SLIT3: variants seen among roughly 807,000 people sequenced by gnomAD.
SLIT3 encodes the protein slit guidance ligand 3.
A neutral mutation model predicts 184.0 loss-of-function variants in SLIT3; 68 were observed. The observed-to-expected ratio is 0.37, with a 90% CI of 0.30 to 0.45. The LOEUF is 0.45. Ranked by LOEUF, SLIT3 falls within the 20% of genes least tolerant of loss-of-function variation. The pLI, the probability that SLIT3 is intolerant of heterozygous loss-of-function variation, is 1.00. For missense variants in SLIT3, 1,707 were observed against 2,026.0 expected (o/e 0.84, Z 3.02); for synonymous variants, 831 against 828.6 (o/e 1.00, Z -0.05).
At chr5:169,036,458 G>A (rs965575922) in intron 4 of SLIT3, 6 of 152,144 alleles carry the variant, frequency 3.9e-5, no homozygotes, top group African/African-American at 1.4e-4. Context: ...GTTGAATAAG[G>A]GGCATGAAAT....
intron 25 of SLIT3, among the ~76,000 whole-genome samples, chr5:168,709,524 C>A (rs1762482414): frequency 6.6e-6 from 1 of 152,170 alleles, no homozygotes; most frequent in Admixed American, 6.5e-5. Flanking sequence ...AATGTGCAGC[C>A]AAGATTGAGA....
At chr5:169,241,615 T>C (rs1431831648) in intron 3 of SLIT3, among the ~76,000 whole-genome samples, 2 of 152,166 alleles carry the variant, frequency 1.3e-5, no homozygotes, top group East Asian at 3.9e-4. Flanking sequence ...CTCAAGCGCT[T>C]TAATAAATAT....
At chr5:168,815,915 G>A (rs1484057865) in intron 8 of SLIT3, among the ~76,000 whole-genome samples, 2 of 152,170 alleles carry the variant, frequency 1.3e-5, no homozygotes, top group East Asian at 3.9e-4. Context: ...AAGCTCCCTG[G>A]GGTCCTTGTT....
At chr5:168,964,711 T>C (rs960054563) in intron 4 of SLIT3, among the ~76,000 whole-genome samples, 3 of 152,178 alleles carry the variant, frequency 2.0e-5, no homozygotes, top group African/African-American at 4.8e-5. Context: ...GGCAAAGATA[T>C]AACATAAGCC....
chr5:168,673,767 A>G, intron 32 of SLIT3, among the ~76,000 whole-genome samples: 1 of 152,220 alleles, frequency 6.6e-6, no homozygotes, highest in East Asian at 1.9e-4. Context: ...TGGACCCAAT[A>G]CTGTCCTTTA....
At chr5:168,778,450 A>G (rs1008018009) in intron 12 of SLIT3, among the ~76,000 whole-genome samples, 1 of 152,156 alleles carries the variant, frequency 6.6e-6, no homozygotes, top group African/African-American at 2.4e-5. Context: ...TATGCTTCAG[A>G]TGGACAAAGG....
intron 8 of SLIT3, among the ~76,000 whole-genome samples, chr5:168,814,923 C>T (rs1183636489): frequency 2.0e-5 from 3 of 152,132 alleles, no homozygotes; most frequent in Admixed American, 6.5e-5. Flanking sequence ...CAGAGAGTAA[C>T]GGCTCACAGC....
At chr5:168,998,009 C>T (rs1381071085) in intron 4 of SLIT3, among the ~76,000 whole-genome samples, 3 of 152,086 alleles carry the variant, frequency 2.0e-5, no homozygotes, top group Non-Finnish European at 4.4e-5. Flanking sequence ...CCATCTCTCC[C>T]CTTCCCTCCC....
chr5:168,908,732 C>T (rs1761161490), intron 4 of SLIT3, among the ~76,000 whole-genome samples: 1 of 152,170 alleles, frequency 6.6e-6, no homozygotes, highest in South Asian at 2.1e-4. Flanking sequence ...ACTCCTTTAT[C>T]CTGAAATCAT....
intron 4 of SLIT3, among the ~76,000 whole-genome samples, chr5:169,027,649 T>C (rs1038017673): frequency 6.6e-6 from 1 of 152,180 alleles, no homozygotes; most frequent in African/African-American, 2.4e-5. Context: ...CTCCTGAATG[T>C]AATAAGCCTG....
chr5:169,097,594 A>T (rs1396077469), intron 4 of SLIT3, among the ~76,000 whole-genome samples: 1 of 150,560 alleles, frequency 6.6e-6, no homozygotes, highest in East Asian at 2.0e-4. Flanking sequence ...TCAAAGGCAG[A>T]CTACCAGGGA....
intron 5 of SLIT3, among the ~76,000 whole-genome samples, chr5:168,859,649 A>G (rs908358051): frequency 6.6e-6 from 1 of 152,248 alleles, no homozygotes; most frequent in Non-Finnish European, 1.5e-5. Flanking sequence ...AGTGAATGGC[A>G]TATTTCTGAC....
chr5:169,171,539 C>A (rs1762820076), intron 4 of SLIT3, among the ~76,000 whole-genome samples: 1 of 152,182 alleles, frequency 6.6e-6, no homozygotes, highest in Non-Finnish European at 1.5e-5. Flanking sequence ...GATTGTATAG[C>A]ACTCCCTAGA....
At chr5:168,713,130 C>T (rs1762612469) in intron 23 of SLIT3, among the ~76,000 whole-genome samples, 1 of 152,180 alleles carries the variant, frequency 6.6e-6, no homozygotes, top group Non-Finnish European at 1.5e-5. Context: ...GTCTCTGGAG[C>T]CGAACACTCA....
intron 6 of SLIT3, among the ~76,000 whole-genome samples, chr5:168,841,431 G>A (rs572357880): frequency 2.0e-5 from 3 of 152,134 alleles, no homozygotes; most frequent in South Asian, 2.1e-4. Context: ...GAGAAGTTTC[G>A]CCCCCGATAC....
intron 4 of SLIT3, among the ~76,000 whole-genome samples, chr5:169,117,259 C>A (rs971106704): frequency 6.6e-6 from 1 of 152,162 alleles, no homozygotes; most frequent in Admixed American, 6.5e-5. Flanking sequence ...AATGGACTTA[C>A]AATCTATAAA....
chr5:168,740,737 T>A (rs1034240987), intron 20 of SLIT3, among the ~76,000 whole-genome samples: 4 of 152,224 alleles, frequency 2.6e-5, no homozygotes, highest in Admixed American at 2.6e-4. Context: ...AGGGAAGTGA[T>A]ACCATTTCCA....
In SLIT3 at chr5:168,722,953, G is replaced by A; in HGVS notation, c.2391C>T (p.Asn797=). The change falls in exon 22 of 36, where the codon AAC becomes AAT. Residue 797 remains asparagine (N), a synonymous_variant. Coordinates refer to ENST00000519560, the MANE Select transcript of SLIT3 (RefSeq NM_003062.4). The part of the protein sequence containing the change: ...ISMLTNYTFS[N]MSHLSTLILS... ...CTCACAGAGTGGAGAGGTGAGACATGTTACTGAAGGTGTAATTGGTCAGCA... is the reference window on the plus strand; with the variant it reads ...CTCACAGAGTGGAGAGGTGAGACATATTACTGAAGGTGTAATTGGTCAGCA... The A allele has an allele frequency of 2.5e-6, 4 of 1,613,744 alleles. No individual in the cohort carries two copies. The highest frequency in any genetic ancestry group is 3.4e-6 in the Non-Finnish European group (4 of 1,179,620).
intron 3 of SLIT3, among the ~76,000 whole-genome samples, chr5:169,215,829 T>C (rs1764416773): frequency 6.6e-6 from 1 of 152,226 alleles, no homozygotes; most frequent in Admixed American, 6.5e-5. Context: ...AGAATGAAAT[T>C]CCTATTTTAG....
Sources: allele counts gnomAD v4.1 joint callset (sites outside exome capture counted in the v4.1 genomes callset), GRCh38; gene constraint gnomAD v4.1.1; transcripts MANE v1.5; gene names NCBI Gene and HGNC (gene_info 2026-07-23, HGNC 2026-07-21).